The following AVIL variants were observed in gnomAD, a reference collection of about 807,000 sequenced individuals.
AVIL encodes advillin.
Under a neutral mutation model 109.9 loss-of-function variants are expected in AVIL, and 78 were observed. That is an observed-to-expected ratio of 0.71 (90% CI 0.59 to 0.86). AVIL has a LOEUF of 0.86. Ranked by LOEUF, AVIL falls within the 40% of genes least tolerant of loss-of-function variation. AVIL has a pLI of 0.00. For missense variants in AVIL, 892 were observed against 1,016.5 expected (o/e 0.88, Z 1.67); for synonymous variants, 367 against 379.1 (o/e 0.97, Z 0.37).
chr12:57,814,264 C>T (rs371000165), intron 2 of AVIL, 38 bp from the exon 3 acceptor site: 14 of 1,577,394 alleles, frequency 8.9e-6, no homozygotes, highest in East Asian at 2.3e-5. Flanking sequence ...TACATCCCCT[C>T]CCACCTCCCT....
intron 17 of AVIL, 33 bp from the exon 18 acceptor site, chr12:57,801,245 G>A (rs1045058727): frequency 3.6e-5 from 57 of 1,584,824 alleles, no homozygotes; most frequent in Non-Finnish European, 4.8e-5. Context: ...ACAGGATGAG[G>A]TCTTTCTTAT....
At chr12:57,801,894 A>G (rs1955855842) in intron 17 of AVIL, among the ~76,000 whole-genome samples, 1 of 152,242 alleles carries the variant, frequency 6.6e-6, no homozygotes, top group African/African-American at 2.4e-5. Context: ...TGTAAAGATC[A>G]AAAAGATGAT....
At chr12:57,808,735 A>T in intron 9 of AVIL, 187 bp from the exon 10 acceptor site, 1 of 648,422 alleles carries the variant, frequency 1.5e-6, no homozygotes, top group Non-Finnish European at 2.6e-6. Context: ...GACTGAGTGG[A>T]ACATTTTTGG....
chr12:57,817,408 C>A (rs919033949), intron 1 of AVIL, among the ~76,000 whole-genome samples: 3 of 151,088 alleles, frequency 2.0e-5, no homozygotes, highest in African/African-American at 2.4e-5. Flanking sequence ...TCAAAGCAGA[C>A]TCGCTTTGTC....
In AVIL at chr12:57,802,157, T is replaced by C. The variant is rs550654941; in HGVS notation, c.2151+3A>G. The C allele has an allele frequency of 3.1e-6, 5 of 1,613,784 alleles. No individual in the cohort carries two copies. The East Asian group carries it at 1.1e-4, about 36-fold the overall frequency. ...TTAGAGCTTCCCTACTCTCTTTTCT[T>C]ACACTCCAAATGTTAGGGTCCCAGG... On this transcript the variant is annotated splice_donor_region_variant and intron_variant, in intron 17 of 19. Coordinates refer to ENST00000549994, the MANE Select transcript of AVIL (RefSeq NM_006576.4).
intron 13 of AVIL, among the ~76,000 whole-genome samples, chr12:57,806,881 A>G (rs1196213887): frequency 6.6e-6 from 1 of 152,134 alleles, no homozygotes; most frequent in Non-Finnish European, 1.5e-5. Context: ...CTAGGACTTG[A>G]CCCCAGACTT....
At chr12:57,811,721 C>T (rs1389302) in intron 4 of AVIL, among the ~76,000 whole-genome samples, 5,277 of 152,334 alleles carry the variant, frequency 0.035, 320 homozygotes, top group African/African-American at 0.12. Flanking sequence ...GGGCCTCAGT[C>T]AGTGGAGACT....
chr12:57,806,583 T>C, intron 13 of AVIL, 44 bp from the exon 14 acceptor site: 1 of 1,598,040 alleles, frequency 6.3e-7, no homozygotes, highest in Non-Finnish European at 8.6e-7. Context: ...GAGCACCATG[T>C]GAGCAGAGTG....
rs1165712716 is a variant in AVIL at position 57,812,365 on chromosome 12, T to C, written c.338+862A>G. ...GTTGTTTTGTGTGCATGTTTTTGTT[T>C]TGTTTTGTTTTGTTTGAGATGGTGT... On this transcript the variant is annotated intron_variant, in intron 4 of 19. Coordinates refer to ENST00000549994, the MANE Select transcript of AVIL (RefSeq NM_006576.4). Among the ~76,000 whole-genome samples the C allele has an allele frequency of 2.6e-5, 4 of 151,244 alleles. No homozygotes were observed. The East Asian group carries it at 7.8e-4, about 29-fold the overall frequency.
intron 17 of AVIL, among the ~76,000 whole-genome samples, chr12:57,801,881 T>G (rs1174911043): frequency 6.6e-6 from 1 of 152,252 alleles, no homozygotes; most frequent in East Asian, 1.9e-4. Flanking sequence ...CTATCAGGAT[T>G]GTTGTAAAGA....
intron 19 of AVIL, among the ~76,000 whole-genome samples, chr12:57,798,709 C>T (rs779388796): frequency 2.6e-5 from 4 of 151,666 alleles, no homozygotes; most frequent in Admixed American, 6.6e-5. Flanking sequence ...CTCTGCCTCC[C>T]GGGTTCAAGC....
Position 57,797,474 on chromosome 12 carries a change from T to A in AVIL, c.*408A>T. Reference sequence around the variant, plus strand: ...TTTGCCTATGGAGTGCATATATGATTTCAATGATTTACAGGCTAAATAGAT... The same window carrying A: ...TTTGCCTATGGAGTGCATATATGATATCAATGATTTACAGGCTAAATAGAT... On this transcript the variant is annotated 3_prime_UTR_variant, in exon 20 of 20. Coordinates refer to ENST00000549994, the MANE Select transcript of AVIL (RefSeq NM_006576.4). 4 of 983,724 alleles carry A rather than the reference T, an allele frequency of 4.1e-6. No individual in the cohort carries two copies. Among genetic ancestry groups the A allele is most frequent in the Non-Finnish European group, 4.8e-6 (4 of 828,318 alleles). The allele number at this position is 983,724 out of a possible 1,614,324, so 60.9% of individuals were successfully genotyped here.
chr12:57,813,586 G>A (rs563843271), intron 3 of AVIL, among the ~76,000 whole-genome samples, 163 bp from the exon 4 acceptor site: 1 of 152,328 alleles, frequency 6.6e-6, no homozygotes, highest in African/African-American at 2.4e-5. Flanking sequence ...GAGCAGACCT[G>A]CGATCATGGC....
At chr12:57,814,520 AC>A (rs1716561913) in intron 2 of AVIL, 1 of 354,184 alleles carries the variant, frequency 2.8e-6, no homozygotes, top group Non-Finnish European at 5.4e-6. Context: ...ATTGTGGGAA[AC>A]CTGTGAACCA....
At chr12:57,801,123 C>T (rs1004093367) in intron 18 of AVIL, 21 bp downstream of exon 18, 1 of 1,611,076 alleles carries the variant, frequency 6.2e-7, no homozygotes, top group Non-Finnish European at 8.5e-7. Flanking sequence ...CTGGCTTCTC[C>T]CAAGAGCGAA....
rs1955948149 is a variant in AVIL, at chr12:57,806,456, G to T, written c.1575C>A (p.Thr525=). The T allele has an allele frequency of 6.2e-7, 1 of 1,613,944 alleles. No individual in the cohort carries two copies. The change falls in exon 14 of 20, where the codon ACC becomes ACA. Residue 525 remains threonine, a synonymous_variant. Transcript: ENST00000549994. ...FQIHGNDKSN[T]KAVEVPAFAS... ...CAAAGGCTGGAACTTCCACTGCTTT[G>T]GTGTTAGATTTGTCATTTCCATGAA...
chr12:57,815,040 C>T (rs1021102591), intron 2 of AVIL: 3 of 152,300 alleles, frequency 2.0e-5, no homozygotes, highest in African/African-American at 7.2e-5. Flanking sequence ...GCAAGCTCCG[C>T]CTCCCGGGTT....
At position 57,810,840 on chromosome 12, in the gene AVIL, C is replaced by T. The variant is rs775663088; in HGVS notation, c.534G>A (p.Glu178=). The change falls in exon 6 of 20, where the codon GAG becomes GAA. Residue 178 remains glutamate, a synonymous_variant. Coordinates refer to ENST00000549994, the MANE Select transcript of AVIL (RefSeq NM_006576.4). ...CCTTCAGGCGCTCCCCACTGTTGCT[C>T]TCTGGGCCATTCCATTGGATGATGA... is the stretch of plus-strand genomic sequence containing the variant. The part of the protein sequence containing the change: ...GKVIIQWNGP[E]SNSGERLKAM... 3.5e-5 allele frequency: 56 copies of T among 1,614,080 alleles called. No individual in the cohort carries two copies. The highest frequency in any genetic ancestry group is 6.7e-5 in the Admixed American group (4 of 60,004).
intron 13 of AVIL, 172 bp from the exon 14 acceptor site, chr12:57,806,711 C>T (rs1955953930): frequency 3.0e-6 from 2 of 656,326 alleles, no homozygotes; most frequent in African/African-American, 1.8e-5. Context: ...ATAACAACAA[C>T]TTTCATCCTG....
Sources: gnomAD v4.1 joint callset for allele counts (sites outside exome capture counted in the v4.1 genomes callset) on GRCh38, gnomAD v4.1.1 for gene constraint, MANE v1.5 for transcripts, NCBI Gene and HGNC (gene_info 2026-07-23, HGNC 2026-07-21) for gene names.